CNTNAP4: variants seen among roughly 807,000 people sequenced by gnomAD.
CNTNAP4 encodes contactin associated protein family member 4.
In CNTNAP4, 98 loss-of-function variants were observed where a neutral mutation model predicts 148.4. The observed-to-expected ratio is 0.66, with a 90% confidence interval of 0.56 to 0.78. The LOEUF (loss-of-function observed/expected upper bound fraction) is 0.78. Ranked by LOEUF, CNTNAP4 falls within the 30% of genes least tolerant of loss-of-function variation. The pLI is 0.00. For missense variants in CNTNAP4, 1,935 were observed against 1,565.6 expected (o/e 1.24, Z -3.98); for synonymous variants, 730 against 565.1 (o/e 1.29, Z -4.14).
rs201981656 is a variant in CNTNAP4 at position 76,517,104 on chromosome 16, T to A, written c.2366-4036T>A. Among the ~76,000 whole-genome samples, 23 of 152,202 alleles carry A rather than the reference T, an allele frequency of 1.5e-4. No individual in the cohort carries two copies. The East Asian group carries it at 4.1e-3, about 27-fold the overall frequency. ...CTGATTTTTTTTAAAAGTAAGCCAG[T>A]CTCAAAAGACTGCATATTTTATGCT... On this transcript the variant is annotated intron_variant, in intron 15 of 23. Coordinates refer to ENST00000611870, the MANE Select transcript of CNTNAP4 (RefSeq NM_033401.5).
At chr16:76,390,494 C>G (rs1209702554) in intron 3 of CNTNAP4, among the ~76,000 whole-genome samples, 3 of 151,862 alleles carry the variant, frequency 2.0e-5, no homozygotes, top group Non-Finnish European at 2.9e-5. Flanking sequence ...TGTTTCTTGT[C>G]TCATCAGGCG....
intron 21 of CNTNAP4, among the ~76,000 whole-genome samples, chr16:76,549,319 C>A (rs895800376): frequency 6.6e-5 from 10 of 152,154 alleles, no homozygotes; most frequent in Non-Finnish European, 1.2e-4. Flanking sequence ...GCCATGCCCT[C>A]TCTGTCCCAA....
intron 12 of CNTNAP4, among the ~76,000 whole-genome samples, chr16:76,480,017 C>T (rs879868597): frequency 2.6e-5 from 4 of 152,070 alleles, no homozygotes; most frequent in Non-Finnish European, 4.4e-5. Context: ...TCGATAAAGA[C>T]CAGAAAACTT....
chr16:76,385,577 T>TAG (rs1050273124), intron 3 of CNTNAP4, among the ~76,000 whole-genome samples: 3 of 146,930 alleles, frequency 2.0e-5, no homozygotes, highest in Non-Finnish European at 4.5e-5. Flanking sequence ...TGTGTGTGTG[T>TAG]AGAGAGAGTG....
At position 76,282,308 on chromosome 16, in the gene CNTNAP4, C is replaced by G. The variant is rs1045453004; in HGVS notation, c.85+4561C>G. ...TGTAAAATTCCCACAGTTTTAATCT[C>G]AAGTGGTCTTGTTAGGATAAGATAT... On this transcript the variant is annotated intron_variant, in intron 1 of 23. Coordinates refer to ENST00000611870, the MANE Select transcript of CNTNAP4 (RefSeq NM_033401.5). 2.6e-5 allele frequency among the ~76,000 whole-genome samples: 4 copies of G among 151,798 alleles called. No individual in the cohort carries two copies. In the East Asian group the frequency reaches 7.7e-4, roughly 29 times the overall value.
chr16:76,456,152 A>G (rs2080722598), intron 8 of CNTNAP4, among the ~76,000 whole-genome samples: 2 of 152,216 alleles, frequency 1.3e-5, no homozygotes, highest in South Asian at 2.1e-4. Context: ...ACTGCAATTA[A>G]CATATCTGGA....
rs774086024 is a variant in CNTNAP4, at chr16:76,498,685, C to G, written c.2356C>G (p.Gln786Glu). The G allele has an allele frequency of 3.8e-5, 61 of 1,607,384 alleles. No individual in the cohort carries two copies. Among genetic ancestry groups the G allele is most frequent in the Non-Finnish European group, 5.0e-5 (59 of 1,177,394 alleles). Reference sequence around the variant, plus strand: ...TTATAAACTGGGGCCTCTGCTCTGCCAGGGAGACAGTAAGTGGTTACAATG... The same window carrying G: ...TTATAAACTGGGGCCTCTGCTCTGCGAGGGAGACAGTAAGTGGTTACAATG... ...AAYKLGPLLC[Q>E]GDRSFWNSAS... is the part of the protein sequence containing the mutation. The change falls in exon 15 of 24, where the codon CAG becomes GAG. Residue 786 changes from glutamine to glutamate, a missense_variant. Transcript: ENST00000611870.
At chr16:76,337,336 G>C (rs1409216795) in intron 2 of CNTNAP4, among the ~76,000 whole-genome samples, 1 of 152,136 alleles carries the variant, frequency 6.6e-6, no homozygotes, top group East Asian at 1.9e-4. Context: ...GCCGGTCTGA[G>C]AAATAAAGAG....
intron 14 of CNTNAP4, among the ~76,000 whole-genome samples, chr16:76,497,268 G>T (rs750741899): frequency 2.0e-5 from 3 of 152,090 alleles, no homozygotes; most frequent in Non-Finnish European, 2.9e-5. Context: ...GTGTGGAGGG[G>T]AGCAGCGTTA....
At chr16:76,525,709 CTA>C (rs1261865542) in intron 17 of CNTNAP4, among the ~76,000 whole-genome samples, 1 of 137,498 alleles carries the variant, frequency 7.3e-6, no homozygotes, top group Non-Finnish European at 1.5e-5. Flanking sequence ...TATATATAAA[CTA>C]TTATATACAA....
intron 8 of CNTNAP4, among the ~76,000 whole-genome samples, chr16:76,458,787 G>C (rs2080830754): frequency 6.6e-6 from 1 of 152,116 alleles, no homozygotes; most frequent in Admixed American, 6.6e-5. Context: ...CTGGGGATTG[G>C]GGACGCCTAT....
In CNTNAP4 at chr16:76,495,072, T is replaced by C. The variant is rs751761114; in HGVS notation, c.2237+6T>C. 4 of 1,612,270 alleles carry C rather than the reference T, an allele frequency of 2.5e-6. No individual in the cohort carries two copies. Among genetic ancestry groups the C allele is most frequent in the Non-Finnish European group, 3.4e-6 (4 of 1,178,988 alleles). On this transcript the variant is annotated splice_donor_region_variant and intron_variant, in intron 14 of 23. Transcript: ENST00000611870. The stretch of plus-strand genomic sequence containing the variant: ...GATGCTGACCGGAATGAATGGTGAT[T>C]TCCATATGATTTCTTTATGCAAGAA...
At chr16:76,309,842 T>C in intron 1 of CNTNAP4, 1 of 700,754 alleles carries the variant, frequency 1.4e-6, no homozygotes, top group Non-Finnish European at 2.6e-6. Context: ...GTTTCCGCTT[T>C]TGCTGCTTCC....
At chr16:76,504,276 A>G (rs2082760405) in intron 15 of CNTNAP4, among the ~76,000 whole-genome samples, 1 of 152,164 alleles carries the variant, frequency 6.6e-6, no homozygotes, top group African/African-American at 2.4e-5. Context: ...TAGAATAGAG[A>G]GCCCAAAAAT....
At chr16:76,441,140 C>A (rs573122318) in intron 4 of CNTNAP4, among the ~76,000 whole-genome samples, 15 of 152,260 alleles carry the variant, frequency 9.9e-5, no homozygotes, top group Admixed American at 9.2e-4. Context: ...AAAAGCGGAA[C>A]TCTGAAGACA....
In CNTNAP4 at chr16:76,535,586, C is replaced by T. The variant is rs1450320927; in HGVS notation, c.2797C>T (p.Arg933Trp). Residue 933 changes from arginine (R) to tryptophan (W), a missense_variant, in exon 18 of 24, where the codon CGG becomes TGG. Coordinates refer to ENST00000611870, the MANE Select transcript of CNTNAP4 (RefSeq NM_033401.5). ...ACAGAGAGGCTTTCTGGGCTGCATT[C>T]GGTCTCTGCAGTTGAATGGGATGAC... is the stretch of plus-strand genomic sequence containing the variant. ...TRQRGFLGCI[R>W]SLQLNGMTLD... 1 of 1,612,620 alleles carries T rather than the reference C, an allele frequency of 6.2e-7. No homozygotes were observed. Among genetic ancestry groups the T allele is most frequent in the Non-Finnish European group, 8.5e-7 (1 of 1,179,978 alleles).
intron 2 of CNTNAP4, among the ~76,000 whole-genome samples, chr16:76,326,257 C>G (rs17648226): frequency 3.4e-4 from 52 of 152,014 alleles, no homozygotes; most frequent in African/African-American, 1.3e-3. Context: ...GTGAAGGGCC[C>G]CAGACTCTGC....
chr16:76,494,065 C>G (rs2082318341), intron 13 of CNTNAP4, among the ~76,000 whole-genome samples: 1 of 138,266 alleles, frequency 7.2e-6, no homozygotes, highest in South Asian at 2.5e-4. Flanking sequence ...TCTCAGATGA[C>G]TACAATTTTT....
intron 3 of CNTNAP4, among the ~76,000 whole-genome samples, chr16:76,416,640 G>T (rs1211731267): frequency 6.6e-6 from 1 of 151,448 alleles, no homozygotes; most frequent in African/African-American, 2.4e-5. Context: ...ATTTGCAAGA[G>T]TGTGTTTTAT....
Sources: allele counts gnomAD v4.1 joint callset (sites outside exome capture counted in the v4.1 genomes callset), GRCh38; gene constraint gnomAD v4.1.1; transcripts MANE v1.5; gene names NCBI Gene and HGNC (gene_info 2026-07-23, HGNC 2026-07-21).